The following GUSB variants were observed in gnomAD, a reference collection of about 807,000 sequenced individuals.
GUSB encodes the protein glucuronidase beta.
GUSB carries 51 observed loss-of-function variants against 74.6 expected under a neutral mutation model. The ratio of observed to expected loss-of-function variants is 0.68; its 90% confidence interval spans 0.55 to 0.86. The LOEUF (loss-of-function observed/expected upper bound fraction) is 0.86, where lower values mean the gene tolerates loss of function less well. Among genes scored for constraint, GUSB ranks in the 40% least tolerant of loss-of-function variants. The pLI is 0.00. For synonymous variants in GUSB, 360 were observed against 348.3 expected (o/e 1.03, Z -0.37); for missense variants, 736 against 853.7 (o/e 0.86, Z 1.72).
In GUSB at chr7:65,974,278, A is replaced by G. The variant is rs1304263543; in HGVS notation, c.1391+17T>C. 3.1e-6 allele frequency: 5 copies of G among 1,613,580 alleles called. No individual in the cohort carries two copies. Among genetic ancestry groups the G allele is most frequent in the Non-Finnish European group, 4.2e-6 (5 of 1,179,674 alleles). On this transcript the variant is annotated intron_variant, in intron 8 of 11. Transcript: ENST00000304895. ...TCTCCTTCCCACTCTAGCCGAGGGC[A>G]GGGAGGGAGCACTCACTTCAAGTAG...
At chr7:65,974,238 A>T (rs1396911556) in intron 8 of GUSB, 57 bp downstream of exon 8, 2 of 1,585,418 alleles carry the variant, frequency 1.3e-6, no homozygotes, top group Admixed American at 3.3e-5. Flanking sequence ...CACCGAGGCC[A>T]GCCACCTGCC....
chr7:65,974,495 C>A (rs200990109), intron 7 of GUSB, 31 bp downstream of exon 7: 3 of 1,614,044 alleles, frequency 1.9e-6, no homozygotes. Context: ...CCGGGCTGGG[C>A]AGGCGGAGCA....
At chr7:65,961,728 G>A (rs1038032741) in intron 11 of GUSB, among the ~76,000 whole-genome samples, 1 of 152,194 alleles carries the variant, frequency 6.6e-6, no homozygotes, top group East Asian at 1.9e-4. Flanking sequence ...AACTGGCTGG[G>A]CACATTGGCT....
intron 10 of GUSB, 105 bp from the exon 11 acceptor site, chr7:65,964,563 C>T: frequency 9.8e-7 from 1 of 1,017,636 alleles, no homozygotes. Flanking sequence ...TCTGTCTTCA[C>T]AGGGGGCTAT....
intron 9 of GUSB, among the ~76,000 whole-genome samples, chr7:65,968,976 G>A (rs575952036): frequency 1.1e-4 from 17 of 152,326 alleles, no homozygotes; most frequent in African/African-American, 3.4e-4. Context: ...GGGCGGTGAC[G>A]ACCGAGTAGG....
intron 1 of GUSB, among the ~76,000 whole-genome samples, chr7:65,981,372 C>A (rs1229878160): frequency 1.3e-5 from 2 of 151,852 alleles, no homozygotes; most frequent in Non-Finnish European, 2.9e-5. Context: ...GCTGGGATTA[C>A]AGGCATGAAC....
Position 65,960,825 on chromosome 7 carries a change from G to A in GUSB, c.*72C>T. The A allele has an allele frequency of 5.6e-6, 7 of 1,254,262 alleles. No homozygotes were observed. Among genetic ancestry groups the A allele is most frequent in the South Asian group, 2.4e-5 (2 of 83,650 alleles). 77.7% of individuals were successfully genotyped at this position (1,254,262 alleles called of 1,614,324 possible). On this transcript the variant is annotated 3_prime_UTR_variant, in exon 12 of 12. Coordinates refer to ENST00000304895, the MANE Select transcript of GUSB (RefSeq NM_000181.4). Reference sequence around the variant, plus strand: ...TGGTCTGCCGTGAACAGTCCAGGAGGCACTTGTTCTGCTGCTGTGGAAGTC... The same window carrying A: ...TGGTCTGCCGTGAACAGTCCAGGAGACACTTGTTCTGCTGCTGTGGAAGTC...
Position 65,974,908 on chromosome 7 carries a change from C to T in GUSB, c.1065+11G>A, listed in dbSNP as rs756639453. Reference sequence around the variant, plus strand: ...AGCAGCCCCGACAAGGACCCAGGAGCCCCAACACACGTCCGCATCCTCATG... The same window carrying T: ...AGCAGCCCCGACAAGGACCCAGGAGTCCCAACACACGTCCGCATCCTCATG... On this transcript the variant is annotated intron_variant, in intron 6 of 11. Coordinates refer to ENST00000304895, the MANE Select transcript of GUSB (RefSeq NM_000181.4). The T allele has an allele frequency of 4.3e-6, 7 of 1,613,042 alleles. No individual in the cohort carries two copies. The South Asian group carries it at 7.7e-5, about 18-fold the overall frequency.
intron 10 of GUSB, among the ~76,000 whole-genome samples, chr7:65,964,969 T>C (rs1159029104): frequency 6.6e-6 from 1 of 151,978 alleles, no homozygotes. Context: ...CTTGGGAGGC[T>C]GAGGTTGGAG....
chr7:65,966,077 T>A (rs6954920), intron 10 of GUSB, among the ~76,000 whole-genome samples: 1 of 151,688 alleles, frequency 6.6e-6, no homozygotes, highest in East Asian at 1.9e-4. Flanking sequence ...GGCTGAGGCA[T>A]GAGAATCGCT....
At chr7:65,967,623 A>C in intron 10 of GUSB, 108 bp downstream of exon 10, 1 of 958,190 alleles carries the variant, frequency 1.0e-6, no homozygotes, top group Non-Finnish European at 1.7e-6. Flanking sequence ...AGGAGAGCCC[A>C]AAGCTGAAGC....
chr7:65,960,703 T>C lies in GUSB; in HGVS notation c.*194A>G, dbSNP rs138519677. On this transcript the variant is annotated 3_prime_UTR_variant, in exon 12 of 12. Coordinates refer to ENST00000304895, the MANE Select transcript of GUSB (RefSeq NM_000181.4). ...AGATGCTTTTCAGTAGCCACTTTCATGCCAACTCTTTATTTCCATAATAGA... is the reference window on the plus strand; with the variant it reads ...AGATGCTTTTCAGTAGCCACTTTCACGCCAACTCTTTATTTCCATAATAGA... The C allele has an allele frequency of 2.1e-4, 125 of 602,798 alleles. No individual in the cohort carries two copies. The highest frequency in any genetic ancestry group is 2.0e-3 in the African/African-American group (111 of 54,150). 37.3% of individuals were successfully genotyped at this position (602,798 alleles called of 1,614,324 possible).
chr7:65,969,439 T>C (rs1791054148), intron 9 of GUSB, among the ~76,000 whole-genome samples: 2 of 152,192 alleles, frequency 1.3e-5, no homozygotes, highest in South Asian at 4.1e-4. Flanking sequence ...AACTCATGCC[T>C]GTAATCACAG....
At chr7:65,980,720 G>C in intron 1 of GUSB, 1 of 431,818 alleles carries the variant, frequency 2.3e-6, no homozygotes, top group South Asian at 2.1e-5. Flanking sequence ...GATGGCCACT[G>C]CCTGTCACAG....
At chr7:65,962,466 A>G (rs1790561062) in intron 11 of GUSB, among the ~76,000 whole-genome samples, 1 of 152,218 alleles carries the variant, frequency 6.6e-6, no homozygotes. Context: ...TACTTCATCA[A>G]ATGCAGCCCT....
intron 2 of GUSB, 39 bp downstream of exon 2, chr7:65,980,185 G>GGGGGGGCCCC: frequency 1.8e-5 from 13 of 725,274 alleles, no homozygotes; most frequent in Non-Finnish European, 2.9e-5. Flanking sequence ...CAGCAGCCGT[G>GGGGGGGCCCC]CCCCCCCACC....
intron 1 of GUSB, chr7:65,980,806 C>G (rs988282169): frequency 3.0e-6 from 1 of 333,400 alleles, no homozygotes; most frequent in Non-Finnish European, 5.9e-6. Context: ...GGCACCCAGC[C>G]CCCTCCTCTT....
rs1427132394 is a variant in GUSB, at chr7:65,979,772, G to C, written c.536C>G (p.Thr179Ser). The C allele has an allele frequency of 1.9e-6, 3 of 1,613,836 alleles. No homozygotes were observed. Among genetic ancestry groups the C allele is most frequent in the Non-Finnish European group, 2.5e-6 (3 of 1,180,006 alleles). Residue 179 changes from threonine to serine, a missense_variant, in exon 3 of 12, where the codon ACC (threonine) becomes AGC (serine). Coordinates refer to ENST00000304895, the MANE Select transcript of GUSB (RefSeq NM_000181.4). ...TIAINNTLTP[T>S]TLPPGTIQYL... Reference sequence around the variant, plus strand: ...TTGGATGGTCCCTGGTGGCAGGGTGGTGGGGGTGAGTGTGTTGTTGATGGC... The same window carrying C: ...TTGGATGGTCCCTGGTGGCAGGGTGCTGGGGGTGAGTGTGTTGTTGATGGC...
chr7:65,978,788 A>C (rs567585185), intron 4 of GUSB, among the ~76,000 whole-genome samples: 1 of 152,136 alleles, frequency 6.6e-6, no homozygotes, highest in African/African-American at 2.4e-5. Context: ...AAAAAGAAGA[A>C]AAAAAGAAAG....
Sources: gnomAD v4.1 joint callset for allele counts (sites outside exome capture counted in the v4.1 genomes callset) on GRCh38, gnomAD v4.1.1 for gene constraint, MANE v1.5 for transcripts, NCBI Gene and HGNC (gene_info 2026-07-23, HGNC 2026-07-21) for gene names.